Variants in GALNTL6 observed in about 807,000 individuals in gnomAD.
GALNTL6 encodes the protein polypeptide N-acetylgalactosaminyltransferase-like 6.
Under a neutral mutation model 73.7 loss-of-function variants are expected in GALNTL6, and 46 were observed. That is an observed-to-expected ratio of 0.62 (90% CI 0.49 to 0.80). GALNTL6 has a LOEUF of 0.80. Ranked by LOEUF, GALNTL6 falls within the 30% of genes least tolerant of loss-of-function variation. The pLI is 0.00. For synonymous variants in GALNTL6, 259 were observed against 263.7 expected, an observed-to-expected ratio of 0.98 and a Z score of 0.17; for missense variants, 604 against 755.0, an observed-to-expected ratio of 0.80 and a Z score of 2.34.
chr4:171,816,068 G>A (rs918704349), intron 2 of GALNTL6: 2 of 152,074 alleles, frequency 1.3e-5, no homozygotes, highest in African/African-American at 4.8e-5. Context: ...CTTTGGATGT[G>A]AAACTTTTTT....
At chr4:172,532,752 A>G (rs527750579) in intron 5 of GALNTL6, among the ~76,000 whole-genome samples, 1 of 152,282 alleles carries the variant, frequency 6.6e-6, no homozygotes, top group South Asian at 2.1e-4. Context: ...AAATGTAAAT[A>G]TATACAGTAT....
chr4:172,972,333 ATTTAC>A (rs943544953), intron 10 of GALNTL6, among the ~76,000 whole-genome samples: 3 of 152,200 alleles, frequency 2.0e-5, no homozygotes, highest in African/African-American at 7.2e-5. Flanking sequence ...CATTTTTGGA[ATTTAC>A]TTTCCTTTCA....
At chr4:172,461,407 A>G (rs915254963) in intron 5 of GALNTL6, among the ~76,000 whole-genome samples, 1 of 152,196 alleles carries the variant, frequency 6.6e-6, no homozygotes, top group Non-Finnish European at 1.5e-5. Context: ...TAAATTTTAT[A>G]GCTAAAATAA....
chr4:172,529,670 T>TTTGTTGTTG (rs10642038), intron 5 of GALNTL6, among the ~76,000 whole-genome samples: 170 of 148,234 alleles, frequency 1.1e-3, no homozygotes, highest in African/African-American at 3.7e-3. Context: ...ACCTAATTTG[T>TTTGTTGTTG]TTGTTGTTGT....
chr4:172,351,176 AATCTGTCTATCT>A (rs1367803374), intron 5 of GALNTL6, among the ~76,000 whole-genome samples: 10 of 65,514 alleles, frequency 1.5e-4, no homozygotes, highest in African/African-American at 7.0e-4. Context: ...GATCCACAAT[AATCTGTCTATCT>A]ATCTATCTAT....
At chr4:172,931,136 T>C (rs1403944684) in intron 8 of GALNTL6, 25 bp from the exon 9 acceptor site, 1 of 1,252,080 alleles carries the variant, frequency 8.0e-7, no homozygotes, top group Non-Finnish European at 1.2e-6. Flanking sequence ...CACTGTTGTC[T>C]TTTGTTCTAT....
chr4:172,014,246 A>G (rs1193365552), intron 2 of GALNTL6, among the ~76,000 whole-genome samples: 1 of 151,862 alleles, frequency 6.6e-6, no homozygotes, highest in Non-Finnish European at 1.5e-5. Flanking sequence ...GAGCAGTGAG[A>G]TTGCTGGATT....
At chr4:171,829,804 T>A (rs1034826881) in intron 2 of GALNTL6, among the ~76,000 whole-genome samples, 3 of 152,098 alleles carry the variant, frequency 2.0e-5, no homozygotes, top group African/African-American at 7.2e-5. Context: ...TGGTGGCACC[T>A]AAGAAGATAT....
intron 5 of GALNTL6, among the ~76,000 whole-genome samples, chr4:172,742,513 T>G (rs1308801987): frequency 2.0e-5 from 3 of 151,680 alleles, no homozygotes; most frequent in Non-Finnish European, 4.4e-5. Flanking sequence ...GTAAAGATAT[T>G]TCTTCTTTGG....
chr4:171,835,206 T>C, intron 2 of GALNTL6, among the ~76,000 whole-genome samples: 1 of 152,034 alleles, frequency 6.6e-6, no homozygotes, highest in Admixed American at 6.6e-5. Context: ...AAGAAAAGAA[T>C]ATTAATATTC....
chr4:172,128,332 G>C (rs1560934218), intron 2 of GALNTL6, among the ~76,000 whole-genome samples: 1 of 152,110 alleles, frequency 6.6e-6, no homozygotes, highest in Non-Finnish European at 1.5e-5. Flanking sequence ...GTTTTGAGCT[G>C]ACTATGCCAG....
At chr4:172,806,986 G>A (rs114826412) in intron 5 of GALNTL6, among the ~76,000 whole-genome samples, 1,998 of 152,240 alleles carry the variant, frequency 0.013, 40 homozygotes, top group African/African-American at 0.045. Context: ...CTTTCAAGAC[G>A]CTGACACATA....
At chr4:173,016,844 G>A (rs1237380864) in intron 11 of GALNTL6, among the ~76,000 whole-genome samples, 1 of 152,122 alleles carries the variant, frequency 6.6e-6, no homozygotes, top group Non-Finnish European at 1.5e-5. Flanking sequence ...ATATGGTTTG[G>A]CTGTGTCTCC....
intron 5 of GALNTL6, among the ~76,000 whole-genome samples, chr4:172,748,037 C>A (rs748347777): frequency 5.3e-5 from 8 of 152,078 alleles, no homozygotes; most frequent in Non-Finnish European, 1.0e-4. Context: ...TGTAACAAAA[C>A]CAATTTTACT....
Position 172,229,753 on chromosome 4 carries a change from C to T in GALNTL6, c.236C>T (p.Ala79Val). The change falls in exon 3 of 13, where the codon GCT becomes GTT. Residue 79 changes from alanine to valine, a missense_variant. Transcript: ENST00000506823. ...WHDYESIQKE[A>V]MRSGKGEHGK... ...GACTATGAAAGCATTCAGAAAGAGGCTATGCGCTCAGGTATGAAGCTCAGT... is the reference window on the plus strand; with the variant it reads ...GACTATGAAAGCATTCAGAAAGAGGTTATGCGCTCAGGTATGAAGCTCAGT... 1 of 1,607,550 alleles carries T rather than the reference C, an allele frequency of 6.2e-7. No homozygotes were observed. The highest frequency in any genetic ancestry group is 1.3e-5 in the African/African-American group (1 of 74,868).
At chr4:172,709,181 C>T (rs1734543695) in intron 5 of GALNTL6, among the ~76,000 whole-genome samples, 1 of 152,052 alleles carries the variant, frequency 6.6e-6, no homozygotes, top group Admixed American at 6.6e-5. Flanking sequence ...CTCTCCTCTC[C>T]CCTCATATTC....
intron 3 of GALNTL6, among the ~76,000 whole-genome samples, chr4:172,302,538 G>T (rs1739971488): frequency 1.3e-5 from 2 of 152,036 alleles, no homozygotes; most frequent in Non-Finnish European, 1.5e-5. Flanking sequence ...ATTTTTTAAG[G>T]ATTTCTCCAC....
intron 2 of GALNTL6, among the ~76,000 whole-genome samples, chr4:172,048,573 T>C (rs1742282371): frequency 6.6e-6 from 1 of 152,104 alleles, no homozygotes; most frequent in Non-Finnish European, 1.5e-5. Flanking sequence ...CCATTTCCCA[T>C]GAACTTGGAT....
intron 2 of GALNTL6, among the ~76,000 whole-genome samples, chr4:172,225,580 G>T (rs1236183035): frequency 6.6e-6 from 1 of 151,866 alleles, no homozygotes; most frequent in Non-Finnish European, 1.5e-5. Context: ...CTGGGAAAAA[G>T]GAATTATTTC....
Sources: gnomAD v4.1 joint callset for allele counts (sites outside exome capture counted in the v4.1 genomes callset) on GRCh38, gnomAD v4.1.1 for gene constraint, MANE v1.5 for transcripts, NCBI Gene and HGNC (gene_info 2026-07-23, HGNC 2026-07-21) for gene names.